The following FAT3 variants were observed in gnomAD, a reference collection of about 807,000 sequenced individuals.
FAT3 encodes protocadherin Fat 3.
Under a neutral mutation model 310.2 loss-of-function variants are expected in FAT3, and 95 were observed. That is an observed-to-expected ratio of 0.31 (90% CI 0.26 to 0.36). The LOEUF (loss-of-function observed/expected upper bound fraction) is 0.36. Among genes scored for constraint, FAT3 ranks in the 10% least tolerant of loss-of-function variants. The probability of loss-of-function intolerance (pLI) is 1.00; values close to 1 mark genes in which losing one functional copy is unlikely to be tolerated. For synonymous variants in FAT3, 2,314 were observed against 2,192.9 expected, an observed-to-expected ratio of 1.06 and a Z score of -1.54; for missense variants, 5,408 against 5,715.6, an observed-to-expected ratio of 0.95 and a Z score of 1.74.
intron 7 of FAT3, among the ~76,000 whole-genome samples, chr11:92,775,049 A>C (rs1039837590): frequency 6.6e-6 from 1 of 152,106 alleles, no homozygotes; most frequent in African/African-American, 2.4e-5. Context: ...ACACATGCAT[A>C]TGCTGTAACC....
At chr11:92,381,802 CT>C (rs1949500372) in intron 2 of FAT3, among the ~76,000 whole-genome samples, 1 of 152,036 alleles carries the variant, frequency 6.6e-6, no homozygotes, top group Non-Finnish European at 1.5e-5. Flanking sequence ...TAAGTACTTC[CT>C]TTTTTTCTTA....
chr11:92,887,163 C>G, intron 25 of FAT3, 50 bp downstream of exon 25: 2 of 1,494,444 alleles, frequency 1.3e-6, no homozygotes, highest in Non-Finnish European at 1.8e-6. Flanking sequence ...GCTTCCTGTT[C>G]TGGAAGACCA....
chr11:92,863,642 T>C (rs1949171284), intron 21 of FAT3, among the ~76,000 whole-genome samples: 1 of 152,224 alleles, frequency 6.6e-6, no homozygotes, highest in East Asian at 1.9e-4. Context: ...TCTTACAGTT[T>C]CATGCACACC....
At chr11:92,412,226 C>T (rs1950286997) in intron 2 of FAT3, among the ~76,000 whole-genome samples, 1 of 151,926 alleles carries the variant, frequency 6.6e-6, no homozygotes, top group African/African-American at 2.4e-5. Context: ...CCTCATCCTC[C>T]TGAGTAGCTG....
intron 3 of FAT3, among the ~76,000 whole-genome samples, chr11:92,599,498 C>T (rs1939901602): frequency 6.6e-6 from 1 of 152,042 alleles, no homozygotes; most frequent in South Asian, 2.1e-4. Context: ...GAGACACAGC[C>T]AAACCATATC....
intron 19 of FAT3, among the ~76,000 whole-genome samples, chr11:92,847,334 C>T (rs1948712259): frequency 6.6e-6 from 1 of 152,180 alleles, no homozygotes; most frequent in Admixed American, 6.5e-5. Flanking sequence ...GCTGTACAAG[C>T]CTGTAGCCTA....
intron 1 of FAT3, among the ~76,000 whole-genome samples, chr11:92,267,819 C>A (rs1234191165): frequency 6.6e-6 from 1 of 152,116 alleles, no homozygotes; most frequent in Non-Finnish European, 1.5e-5. Context: ...TAATTCAAAT[C>A]TGTGAAAATC....
chr11:92,274,609 C>T (rs1030296005), intron 1 of FAT3, among the ~76,000 whole-genome samples: 5 of 151,992 alleles, frequency 3.3e-5, no homozygotes, highest in African/African-American at 9.6e-5. Flanking sequence ...ACATCTTGGC[C>T]GAGAGTGTAC....
chr11:92,734,633 A>C (rs949367071), intron 4 of FAT3, among the ~76,000 whole-genome samples: 2 of 152,178 alleles, frequency 1.3e-5, no homozygotes, highest in Non-Finnish European at 2.9e-5. Context: ...TGCTTGGAAC[A>C]CTATAAGTAC....
At chr11:92,847,944 C>T (rs1006690091) in intron 19 of FAT3, among the ~76,000 whole-genome samples, 5 of 151,646 alleles carry the variant, frequency 3.3e-5, no homozygotes, top group Middle Eastern at 3.4e-3. Flanking sequence ...CACACACAGA[C>T]GTGCACCCAC....
intron 2 of FAT3, among the ~76,000 whole-genome samples, chr11:92,503,937 C>A (rs1019919866): frequency 1.3e-5 from 2 of 152,056 alleles, no homozygotes; most frequent in African/African-American, 4.8e-5. Context: ...TTTATAGTGG[C>A]AGAGGTTATG....
At chr11:92,412,734 T>TATATATATACATACACAC (rs1565296392) in intron 2 of FAT3, among the ~76,000 whole-genome samples, 1 of 11,882 alleles carries the variant, frequency 8.4e-5, no homozygotes, top group Non-Finnish European at 2.4e-4. Context: ...TATATATATA[T>TATATATATACATACACAC]ATATATATAT....
intron 1 of FAT3, among the ~76,000 whole-genome samples, chr11:92,268,379 C>T (rs1304303759): frequency 6.6e-6 from 1 of 151,884 alleles, no homozygotes; most frequent in African/African-American, 2.4e-5. Flanking sequence ...CTTAACTTCC[C>T]TAAACAGAGA....
intron 2 of FAT3, chr11:92,400,659 A>T (rs1484824486): frequency 6.6e-6 from 1 of 151,994 alleles, no homozygotes; most frequent in African/African-American, 2.4e-5. Context: ...AAAGAAACAG[A>T]CACTTGGACA....
At chr11:92,379,372 T>C (rs1165499152) in intron 2 of FAT3, among the ~76,000 whole-genome samples, 1 of 152,216 alleles carries the variant, frequency 6.6e-6, no homozygotes, top group Non-Finnish European at 1.5e-5. Flanking sequence ...TTGTTTCTCT[T>C]CTGGAAGGTA....
At chr11:92,265,032 GA>G (rs202056896) in intron 1 of FAT3, among the ~76,000 whole-genome samples, 4 of 149,886 alleles carry the variant, frequency 2.7e-5, no homozygotes, top group Non-Finnish European at 5.9e-5. Context: ...AAAAAAGGTT[GA>G]AAAAAAAACC....
chr11:92,298,390 C>T (rs1946903519), intron 1 of FAT3, among the ~76,000 whole-genome samples: 1 of 152,056 alleles, frequency 6.6e-6, no homozygotes, highest in Non-Finnish European at 1.5e-5. Context: ...GGTCCCATTC[C>T]TTTGGAGAGC....
In FAT3 at chr11:92,334,302, G is replaced by A. The variant is rs548542665; in HGVS notation, c.-17-17794G>A. On this transcript the variant is annotated intron_variant, in intron 1 of 27. Coordinates refer to ENST00000525166, the MANE Select transcript of FAT3 (RefSeq NM_001367949.2). The stretch of plus-strand genomic sequence containing the variant: ...GAGGTGGGAGGACCCCTTGAGCCTG[G>A]GAGTCAAGGCTGCAGCCATCCATGA... 3.9e-5 allele frequency among the ~76,000 whole-genome samples: 6 copies of A among 152,208 alleles called. No individual in the cohort carries two copies. The South Asian group carries it at 1.0e-3, about 26-fold the overall frequency.
At chr11:92,713,302 T>A (rs749943528) in intron 4 of FAT3, among the ~76,000 whole-genome samples, 14 of 152,264 alleles carry the variant, frequency 9.2e-5, no homozygotes, top group Non-Finnish European at 1.8e-4. Flanking sequence ...TTGTCATGCA[T>A]TTCAATGGCA....
Sources: gnomAD v4.1 joint callset for allele counts (sites outside exome capture counted in the v4.1 genomes callset) on GRCh38, gnomAD v4.1.1 for gene constraint, MANE v1.5 for transcripts, NCBI Gene and HGNC (gene_info 2026-07-23, HGNC 2026-07-21) for gene names.